OGG1: variants seen among roughly 807,000 people sequenced by gnomAD.
OGG1 encodes the protein 8-oxoguanine DNA glycosylase, also known as N-glycosylase/DNA lyase.
A neutral mutation model predicts 42.3 loss-of-function variants in OGG1; 35 were observed. That is an observed-to-expected ratio of 0.83 (90% CI 0.63 to 1.10). The LOEUF is 1.10. OGG1 is among the 50% of genes least tolerant of loss of function. The pLI is 0.00. For synonymous variants in OGG1, 189 were observed against 179.0 expected (o/e 1.06, Z -0.44); for missense variants, 484 against 446.7 (o/e 1.08, Z -0.75).
rs2077466232 is a variant in OGG1 at position 9,754,888 on chromosome 3, G to GAT, written c.747+4_747+5insTA. 3.8e-6 allele frequency: 6 copies of GAT among 1,584,856 alleles called. No homozygotes were observed. Among genetic ancestry groups the GAT allele is most frequent in the Non-Finnish European group, 5.2e-6 (6 of 1,164,696 alleles). ...TCCTGCCTGGAGTGGGCACCAAGGT[G>GAT]AGGCCCCAGGGGGTAGGAGCTGCCC... On this transcript the variant is annotated splice_donor_region_variant and intron_variant, in intron 4 of 6. Transcript: ENST00000344629.
In OGG1 at chr3:9,787,043, C is replaced by T. The variant is rs370281663; in HGVS notation, c.383-685C>T. 5 of 1,614,104 alleles carry T rather than the reference C, an allele frequency of 3.1e-6. No individual in the cohort carries two copies. Among genetic ancestry groups the T allele is most frequent in the African/African-American group, 2.7e-5 (2 of 74,928 alleles). On this transcript the variant is annotated intron_variant, in intron 3 of 3. Transcript: ENST00000426518. ...CTGCAGGAGGCGCTGCGTCAGGGCA[C>T]CAAAGGGGCATCCATCTTCCGGCTG...
intron 3 of OGG1, chr3:9,781,711 G>C: frequency 2.4e-6 from 1 of 420,018 alleles, no homozygotes; most frequent in African/African-American, 2.0e-5. Context: ...CAGTTTTCCA[G>C]AAGGGGAAGG....
downstream of OGG1, chr3:9,761,273 A>C: frequency 1.6e-6 from 1 of 608,400 alleles, no homozygotes; most frequent in Non-Finnish European, 2.8e-6. Flanking sequence ...AATTTACCCC[A>C]GTGCTTGCTT....
At chr3:9,789,897 G>C (rs150405238), downstream of OGG1, 31 of 1,614,080 alleles carry the variant, frequency 1.9e-5, no homozygotes, top group Non-Finnish European at 2.5e-5. Flanking sequence ...GGAGCTCCAA[G>C]TTCATGGTCT....
At chr3:9,768,937 A>G (rs2078230772), downstream of OGG1, among the ~76,000 whole-genome samples, 2 of 151,964 alleles carry the variant, frequency 1.3e-5, no homozygotes, top group Non-Finnish European at 2.9e-5. Flanking sequence ...TGAAACCCAC[A>G]TGGAGGCCTA....
downstream of OGG1, chr3:9,757,644 G>GGTGGCC (rs781758221): frequency 1.9e-6 from 3 of 1,613,996 alleles, no homozygotes; most frequent in Non-Finnish European, 2.5e-6. This position sits in a 1 kb window ranked among gnomAD's most constrained non-coding sequence, Gnocchi z 4.5. Flanking sequence ...ACAGAACAGA[G>GGTGGCC]GTGGCCGCAG....
At chr3:9,784,218 A>T (rs1165657213) in intron 3 of OGG1, 2 of 1,600,778 alleles carry the variant, frequency 1.2e-6, no homozygotes. Flanking sequence ...GGCACACTGC[A>T]GCGGGAGGCA....
chr3:9,761,708 A>G (rs1194121365), downstream of OGG1: 2 of 1,614,006 alleles, frequency 1.2e-6, no homozygotes, highest in African/African-American at 2.7e-5. Context: ...AAAGTCGGAG[A>G]TCATGATTTT....
At chr3:9,768,158 C>A (rs535689136), downstream of OGG1, among the ~76,000 whole-genome samples, 148 of 152,160 alleles carry the variant, frequency 9.7e-4, 1 homozygote, top group South Asian at 5.8e-3. Context: ...GTCCCCAGAA[C>A]CAGTGATGTC....
chr3:9,785,555 A>T, intron 3 of OGG1: 2 of 642,912 alleles, frequency 3.1e-6, no homozygotes, highest in Non-Finnish European at 5.4e-6. Context: ...TACCGTGGGA[A>T]GCCTTCCCAT....
At position 9,750,076 on chromosome 3, in the gene OGG1, G is replaced by C. The variant is rs2077223143; in HGVS notation, c.-211G>C. 1.6e-6 allele frequency: 1 copy of C among 637,804 alleles called. No homozygotes were observed. Among genetic ancestry groups the C allele is most frequent in the East Asian group, 2.8e-5 (1 of 36,196 alleles). 39.5% of individuals were successfully genotyped at this position (637,804 alleles called of 1,614,324 possible). A position where few individuals can be genotyped will look rare whatever the true frequency, so the allele number is the denominator to read the frequency against. On this transcript the variant is annotated 5_prime_UTR_variant, in exon 1 of 7. Coordinates refer to ENST00000344629, the MANE Select transcript of OGG1 (RefSeq NM_002542.6). ...GGACCTACACCTCAGGAAAGCCGGA[G>C]AATTGGGGCACGAAGCGGGGCTTTG...
downstream of OGG1, chr3:9,761,710 C>G (rs1299441598): frequency 6.2e-7 from 1 of 1,614,142 alleles, no homozygotes; most frequent in Admixed American, 1.7e-5. Context: ...AGTCGGAGAT[C>G]ATGATTTTGG....
In OGG1 at chr3:9,756,603, C is replaced by T. The variant is rs1430292853; in HGVS notation, c.880C>T (p.Gln294Ter). 13 of 1,613,754 alleles carry T rather than the reference C, an allele frequency of 8.1e-6. No homozygotes were observed. In the South Asian group the frequency reaches 1.3e-4, roughly 16 times the overall value. ...TTSQAKGPSP[Q>*]TNKELGNFFR... ...GTCCCAGGCGAAGGGACCGAGCCCC[C>T]AGACCAACAAGGAACTGGGTGAGGA... Residue 294 changes from glutamine (Q) to a stop codon, truncating the protein, a stop_gained, in exon 5 of 7, where the codon CAG becomes TAG. Transcript: ENST00000344629. LOFTEE classifies it high-confidence loss of function.
At chr3:9,760,912 C>T, downstream of OGG1, 1 of 1,239,402 alleles carries the variant, frequency 8.1e-7, no homozygotes, top group Admixed American at 2.3e-5. Context: ...CCTGCTCACT[C>T]CTGTTCTAGC....
Position 9,756,539 on chromosome 3 carries a change from G to T in OGG1, c.816G>T (p.Trp272Cys). The change falls in exon 5 of 7, where the codon TGG becomes TGT. Residue 272 changes from tryptophan (W) to cysteine (C), a missense_variant. Coordinates refer to ENST00000344629, the MANE Select transcript of OGG1 (RefSeq NM_002542.6). ...PQAVPVDVHM[W>C]HIAQRDYSWH... The stretch of plus-strand genomic sequence containing the variant: ...CTGTGCCCGTGGATGTCCATATGTG[G>T]CACATTGCCCAACGTGACTACAGCT... The T allele has an allele frequency of 6.2e-7, 1 of 1,614,144 alleles. No individual in the cohort carries two copies. The highest frequency in any genetic ancestry group is 8.5e-7 in the Non-Finnish European group (1 of 1,180,022).
intron 2 of OGG1, among the ~76,000 whole-genome samples, chr3:9,775,320 C>T (rs1358678541): frequency 6.6e-6 from 1 of 152,136 alleles, no homozygotes; most frequent in Non-Finnish European, 1.5e-5. Context: ...CCATGTGAAA[C>T]TTAATTTCCA....
At chr3:9,769,151 G>A (rs183267694), downstream of OGG1, among the ~76,000 whole-genome samples, 8 of 151,522 alleles carry the variant, frequency 5.3e-5, no homozygotes, top group East Asian at 9.7e-4. Flanking sequence ...CCCTGCACCC[G>A]AACACCTGCC....
chr3:9,785,499 C>CA, intron 3 of OGG1: 1 of 1,012,834 alleles, frequency 9.9e-7, no homozygotes, highest in Non-Finnish European at 1.5e-6. Flanking sequence ...CCTACACTGA[C>CA]AGTCTTCAAA....
intron 4 of OGG1, 102 bp from the exon 5 acceptor site, chr3:9,756,369 A>G: frequency 8.8e-7 from 1 of 1,136,664 alleles, no homozygotes; most frequent in Non-Finnish European, 1.3e-6. Flanking sequence ...AACAACAGTA[A>G]CCCCAGAGTG....
Sources: gnomAD v4.1 joint callset for allele counts (sites outside exome capture counted in the v4.1 genomes callset) on GRCh38, gnomAD v4.1.1 for gene constraint, Gnocchi (gnomAD v3.1) non-coding constraint, MANE v1.5 for transcripts, NCBI Gene and HGNC (gene_info 2026-07-23, HGNC 2026-07-21) for gene names.